Variants in CCDC171 observed in about 807,000 individuals in gnomAD.
The protein encoded by CCDC171 is coiled-coil domain containing 171.
In CCDC171, 177 loss-of-function variants were observed where a neutral mutation model predicts 168.2. The observed-to-expected ratio is 1.05, with a 90% CI of 0.93 to 1.19. The LOEUF is 1.19. Ranked by LOEUF, CCDC171 falls within the 50% of genes most tolerant of loss-of-function variation. The pLI, the probability that CCDC171 is intolerant of heterozygous loss-of-function variation, is 0.00. For missense variants in CCDC171, 1,991 were observed against 1,539.0 expected (o/e 1.29, Z -4.91); for synonymous variants, 687 against 540.8 (o/e 1.27, Z -3.75).
chr9:15,714,744 A>C (rs899289900), intron 11 of CCDC171, among the ~76,000 whole-genome samples: 10 of 152,192 alleles, frequency 6.6e-5, no homozygotes, highest in African/African-American at 1.9e-4. Context: ...AATTAGCTCA[A>C]GTCTGAGAAG....
At chr9:15,992,489 A>G (rs1212879499) in intron 3 of CCDC171, among the ~76,000 whole-genome samples, 1 of 152,200 alleles carries the variant, frequency 6.6e-6, no homozygotes, top group East Asian at 1.9e-4. Context: ...TCAATATCAT[A>G]CTGAATGGGC....
downstream of CCDC171, among the ~76,000 whole-genome samples, chr9:16,061,902 G>C (rs1337062419): frequency 6.6e-6 from 1 of 152,118 alleles, no homozygotes; most frequent in Non-Finnish European, 1.5e-5. Flanking sequence ...CAAATCCCTG[G>C]TTTGGAGCAT....
intron 24 of CCDC171, among the ~76,000 whole-genome samples, chr9:15,876,415 C>T (rs1817855875): frequency 6.6e-6 from 1 of 152,052 alleles, no homozygotes; most frequent in South Asian, 2.1e-4. Context: ...CACAATGAGC[C>T]TGTCAAATAA....
At chr9:16,039,501 G>A (rs562075455), upstream of CCDC171, among the ~76,000 whole-genome samples, 54 of 152,268 alleles carry the variant, frequency 3.5e-4, no homozygotes, top group African/African-American at 1.1e-3. Context: ...GAATACAGTG[G>A]CTCAGAGGAG....
At chr9:15,624,750 G>C (rs1471964203) in intron 7 of CCDC171, among the ~76,000 whole-genome samples, 5 of 152,090 alleles carry the variant, frequency 3.3e-5, no homozygotes, top group South Asian at 2.1e-4. Context: ...CTTTGCTATT[G>C]TGAATAGTGC....
At chr9:15,946,955 G>C (rs1828472082) in intron 25 of CCDC171, among the ~76,000 whole-genome samples, 1 of 151,886 alleles carries the variant, frequency 6.6e-6, no homozygotes, top group Admixed American at 6.6e-5. Context: ...ACAGGGTTTT[G>C]TTGTTTAGGT....
chr9:15,609,301 G>T (rs1587384326), intron 6 of CCDC171, among the ~76,000 whole-genome samples: 1 of 151,952 alleles, frequency 6.6e-6, no homozygotes, highest in African/African-American at 2.4e-5. Flanking sequence ...TAGAGACGGG[G>T]TTTCACCATG....
chr9:15,962,717 C>G (rs922393847), intron 25 of CCDC171, among the ~76,000 whole-genome samples: 1 of 151,918 alleles, frequency 6.6e-6, no homozygotes, highest in Non-Finnish European at 1.5e-5. Flanking sequence ...GATAAAAAAT[C>G]ATGGAAAGAA....
Position 15,632,328 on chromosome 9 carries a change from G to T in CCDC171, c.822+8915G>T, listed in dbSNP as rs918688811. On this transcript the variant is annotated intron_variant, in intron 7 of 25. Coordinates refer to ENST00000380701, the MANE Select transcript of CCDC171 (RefSeq NM_173550.4). ...GATAAGCAACTTCAGCAAAGTCTCA[G>T]GATACAAAATCAATGTACAAAAATC... Among the ~76,000 whole-genome samples the T allele has an allele frequency of 5.4e-3, 815 of 151,864 alleles. 11 individuals are homozygous for T. The highest frequency in any genetic ancestry group is 0.019 in the African/African-American group (767 of 41,442).
chr9:15,743,467 G>T (rs1310876723), intron 16 of CCDC171, among the ~76,000 whole-genome samples: 2 of 152,030 alleles, frequency 1.3e-5, no homozygotes, highest in African/African-American at 4.8e-5. Flanking sequence ...CATTTTGCCT[G>T]TCCCTTCTTA....
chr9:15,989,208 A>G (rs1832101044), intron 3 of CCDC171, among the ~76,000 whole-genome samples: 1 of 152,156 alleles, frequency 6.6e-6, no homozygotes, highest in South Asian at 2.1e-4. Flanking sequence ...ACCACACGGC[A>G]GGGTACTGCT....
chr9:16,069,528 A>C, the CCDC171 span, among the ~76,000 whole-genome samples: 6 of 152,250 alleles, frequency 3.9e-5, no homozygotes, highest in African/African-American at 1.4e-4. Context: ...GGAAGGGAGA[A>C]GGTTTTGATG....
intron 23 of CCDC171, among the ~76,000 whole-genome samples, chr9:15,862,809 C>A (rs1317321763): frequency 6.6e-6 from 1 of 151,986 alleles, no homozygotes; most frequent in East Asian, 1.9e-4. Context: ...CCTCATAGAA[C>A]CTCATCAGTA....
intron 6 of CCDC171, among the ~76,000 whole-genome samples, chr9:15,604,515 A>C (rs960964198): frequency 6.6e-6 from 1 of 152,206 alleles, no homozygotes; most frequent in African/African-American, 2.4e-5. Context: ...CAACCAGGGA[A>C]TACAGTTATC....
rs189434351 is a variant in CCDC171, at chr9:15,992,548, C to T, written n.369-28041C>T. 2.2e-3 allele frequency among the ~76,000 whole-genome samples: 335 copies of T among 152,306 alleles called. 1 individual carries two copies. Among genetic ancestry groups the T allele is most frequent in the African/African-American group, 7.1e-3 (296 of 41,574 alleles). On this transcript the variant is annotated intron_variant and non_coding_transcript_variant, in intron 3 of 9. Transcript: ENST00000486641. ...AAAACGGGCACAAGACAGGGATGCC[C>T]TCTCTCACCACTCCTATTCAACATG...
chr9:15,696,992 A>G (rs1047145039), intron 11 of CCDC171, among the ~76,000 whole-genome samples: 4 of 151,656 alleles, frequency 2.6e-5, no homozygotes, highest in Non-Finnish European at 5.9e-5. Flanking sequence ...TCTCCTTTAC[A>G]CCCTTCTCCC....
chr9:15,713,640 G>C (rs1212460694), intron 11 of CCDC171, among the ~76,000 whole-genome samples: 1 of 152,018 alleles, frequency 6.6e-6, no homozygotes, highest in Non-Finnish European at 1.5e-5. Context: ...ATTTTCAAAA[G>C]GAGAATAGTT....
At chr9:15,611,960 T>C (rs1249474877) in intron 6 of CCDC171, among the ~76,000 whole-genome samples, 1 of 152,196 alleles carries the variant, frequency 6.6e-6, no homozygotes, top group Non-Finnish European at 1.5e-5. Flanking sequence ...GGTGGAAACC[T>C]TAAGTAGAAT....
At chr9:15,999,654 C>T (rs1035863711) in intron 3 of CCDC171, among the ~76,000 whole-genome samples, 1 of 152,220 alleles carries the variant, frequency 6.6e-6, no homozygotes, top group African/African-American at 2.4e-5. Flanking sequence ...GCTATAGAGA[C>T]TCCCTCTGTG....
Sources: allele counts gnomAD v4.1 joint callset (sites outside exome capture counted in the v4.1 genomes callset), GRCh38; gene constraint gnomAD v4.1.1; transcripts MANE v1.5; gene names NCBI Gene and HGNC (gene_info 2026-07-23, HGNC 2026-07-21).